The following KIF16B variants were observed in gnomAD, a reference collection of about 807,000 sequenced individuals.
The protein encoded by KIF16B is kinesin family member 16B.
In KIF16B, 98 loss-of-function variants were observed where a neutral mutation model predicts 156.3. That is an observed-to-expected ratio of 0.63 (90% CI 0.53 to 0.74). The LOEUF (loss-of-function observed/expected upper bound fraction) is 0.74. Ranked by LOEUF, KIF16B falls within the 30% of genes least tolerant of loss-of-function variation. The probability of loss-of-function intolerance (pLI) is 0.00; values close to 1 mark genes in which losing one functional copy is unlikely to be tolerated. For missense variants in KIF16B, 1,421 were observed against 1,606.5 expected (o/e 0.88, Z 1.97); for synonymous variants, 564 against 583.7 (o/e 0.97, Z 0.49).
Position 16,463,880 on chromosome 20 carries a change from AT to A in KIF16B, c.1302+30410del, listed in dbSNP as rs1223684493. The stretch of plus-strand genomic sequence containing the variant: ...AAAATATTTTTTAATGACAGATCAC[AT>A]TAGCTTATTGCATAAAAACATTTCA... On this transcript the variant is annotated intron_variant, in intron 12 of 25. Coordinates refer to ENST00000354981, the MANE Select transcript of KIF16B (RefSeq NM_024704.5). Among the ~76,000 whole-genome samples the A allele has an allele frequency of 2.6e-5, 4 of 152,198 alleles. No individual in the cohort carries two copies. The East Asian group carries it at 7.7e-4, about 29-fold the overall frequency.
At chr20:16,385,568 C>A (rs550675768) in intron 17 of KIF16B, among the ~76,000 whole-genome samples, 2 of 152,306 alleles carry the variant, frequency 1.3e-5, no homozygotes, top group African/African-American at 4.8e-5. Flanking sequence ...GGCCCCACCT[C>A]AAAGGGCTGT....
Position 16,336,033 on chromosome 20 carries a change from C to T in KIF16B, c.3622-18G>A. On this transcript the variant is annotated intron_variant, in intron 23 of 25. Transcript: ENST00000354981. ...ACAGTAATCTATTAACCAGGAAAACCAAAATGAATAAGCATTAAGAAGCAA... is the reference window on the plus strand; with the variant it reads ...ACAGTAATCTATTAACCAGGAAAACTAAAATGAATAAGCATTAAGAAGCAA... The T allele has an allele frequency of 6.9e-7, 1 of 1,450,798 alleles. No homozygotes were observed. The highest frequency in any genetic ancestry group is 9.5e-7 in the Non-Finnish European group (1 of 1,052,594). 89.9% of individuals were successfully genotyped at this position (1,450,798 alleles called of 1,614,324 possible).
At chr20:16,431,036 T>C (rs537194083) in intron 12 of KIF16B, among the ~76,000 whole-genome samples, 3 of 152,240 alleles carry the variant, frequency 2.0e-5, no homozygotes, top group South Asian at 4.1e-4. Context: ...ACCTTTCCTG[T>C]TTGGTCTAAA....
chr20:16,501,260 C>CACCAAGAATTGAATTCTTGGTTCAAT lies in KIF16B; in HGVS notation c.1176+3086_1176+3111dup, dbSNP rs149764997. Among the ~76,000 whole-genome samples the CACCAAGAATTGAATTCTTGGTTCAAT allele has an allele frequency of 4.2e-3, 415 of 99,018 alleles. 2 individuals are homozygous for CACCAAGAATTGAATTCTTGGTTCAAT. Among genetic ancestry groups the CACCAAGAATTGAATTCTTGGTTCAAT allele is most frequent in the African/African-American group, 5.5e-3 (115 of 20,838 alleles). The allele number at this position is 99,018 out of a possible 152,430, so 65.0% of individuals were successfully genotyped here. On this transcript the variant is annotated intron_variant, in intron 10 of 25. Coordinates refer to ENST00000354981, the MANE Select transcript of KIF16B (RefSeq NM_024704.5). ...ATTAACTGGCACAACTACTTTTATA[C>CACCAAGAATTGAATTCTTGGTTCAAT]ACCAAGAATTGAATTCTTGGTTCAA...
chr20:16,363,688 C>A (rs2064597218), intron 22 of KIF16B, among the ~76,000 whole-genome samples: 2 of 152,164 alleles, frequency 1.3e-5, no homozygotes, highest in African/African-American at 4.8e-5. Flanking sequence ...ATGGCTACTG[C>A]CCCTTCTGAA....
chr20:16,317,528 G>A (rs771552562), intron 24 of KIF16B, among the ~76,000 whole-genome samples: 13 of 152,346 alleles, frequency 8.5e-5, no homozygotes, highest in Non-Finnish European at 1.6e-4. Flanking sequence ...TTTGGAGAGA[G>A]TCTCATGTTG....
At chr20:16,522,317 A>G (rs186289927) in intron 3 of KIF16B, among the ~76,000 whole-genome samples, 1 of 152,252 alleles carries the variant, frequency 6.6e-6, no homozygotes, top group Non-Finnish European at 1.5e-5. Context: ...ATAAAGGGAG[A>G]GAAGAATATT....
chr20:16,392,183 A>G (rs2065383755), intron 17 of KIF16B, among the ~76,000 whole-genome samples: 1 of 152,210 alleles, frequency 6.6e-6, no homozygotes, highest in African/African-American at 2.4e-5. Context: ...CTCACAGAGA[A>G]GAGCCTACCA....
intron 9 of KIF16B, among the ~76,000 whole-genome samples, chr20:16,505,094 T>G (rs1327011007): frequency 6.6e-6 from 1 of 151,946 alleles, no homozygotes; most frequent in African/African-American, 2.4e-5. Context: ...ATCCCGTGGC[T>G]CCATAGTTAG....
intron 17 of KIF16B, among the ~76,000 whole-genome samples, chr20:16,389,417 C>G (rs1012840350): frequency 6.6e-6 from 1 of 152,182 alleles, no homozygotes; most frequent in East Asian, 1.9e-4. Flanking sequence ...CTGGAATGCT[C>G]GGTAGTATTC....
intron 12 of KIF16B, among the ~76,000 whole-genome samples, chr20:16,475,597 C>T (rs970844381): frequency 2.8e-4 from 42 of 152,122 alleles, no homozygotes; most frequent in Admixed American, 2.7e-3. Flanking sequence ...CTAGAGTGGA[C>T]GTTACCAAAT....
chr20:16,341,998 C>CGA (rs2064148179), intron 23 of KIF16B, among the ~76,000 whole-genome samples: 1 of 152,176 alleles, frequency 6.6e-6, no homozygotes, highest in African/African-American at 2.4e-5. Context: ...ACGGCCTCCT[C>CGA]AACCACACAC....
intron 12 of KIF16B, among the ~76,000 whole-genome samples, chr20:16,459,036 A>T (rs2067280557): frequency 6.6e-6 from 1 of 152,088 alleles, no homozygotes; most frequent in African/African-American, 2.4e-5. Context: ...TTGAACAAAC[A>T]CCAGTTCTCC....
At chr20:16,342,958 A>C (rs995194980) in intron 23 of KIF16B, among the ~76,000 whole-genome samples, 2 of 152,216 alleles carry the variant, frequency 1.3e-5, no homozygotes, top group African/African-American at 4.8e-5. Flanking sequence ...CAGAAAGGCA[A>C]AATTAAGAGA....
intron 1 of KIF16B, among the ~76,000 whole-genome samples, chr20:16,566,802 G>C (rs2071272145): frequency 6.6e-6 from 1 of 152,182 alleles, no homozygotes; most frequent in African/African-American, 2.4e-5. Context: ...TTGAGCATTT[G>C]AAATGTGCCT....
chr20:16,425,108 G>A (rs1276801787), intron 15 of KIF16B, among the ~76,000 whole-genome samples: 2 of 152,096 alleles, frequency 1.3e-5, no homozygotes, highest in African/African-American at 4.8e-5. Flanking sequence ...AACACACCTG[G>A]TTGCTAAATA....
intron 12 of KIF16B, among the ~76,000 whole-genome samples, chr20:16,472,555 A>T (rs1422816278): frequency 0.089 from 45 of 506 alleles, no homozygotes; most frequent in East Asian, 0.12. Context: ...TCTGAAATTA[A>T]AAAAAAAAAA....
intron 1 of KIF16B, among the ~76,000 whole-genome samples, chr20:16,568,819 C>CAAAAAAAAA (rs57421025): frequency 1.8e-5 from 1 of 55,482 alleles, no homozygotes; most frequent in Non-Finnish European, 2.9e-5. Context: ...GACCCTGTCT[C>CAAAAAAAAA]AAAAAAAAAA....
rs200128578 is a variant in KIF16B at position 16,409,948 on chromosome 20, CATATATATATATATATATATACATAT to C, written c.1613-3518_1613-3493del. The stretch of plus-strand genomic sequence containing the variant: ...ATCTACCTTCCTACCCACTTACCTA[CATATATATATATATATATATACATAT>C]ATATATATATATATATATGTAGGTA... On this transcript the variant is annotated intron_variant, in intron 15 of 25. Coordinates refer to ENST00000354981, the MANE Select transcript of KIF16B (RefSeq NM_024704.5). Among the ~76,000 whole-genome samples, 296 of 54,920 alleles carry C rather than the reference CATATATATATATATATATATACATAT, an allele frequency of 5.4e-3. 19 individuals are homozygous for C. The highest frequency in any genetic ancestry group is 0.026 in the African/African-American group (251 of 9,502). 36.0% of individuals were successfully genotyped at this position (54,920 alleles called of 152,430 possible).
Sources: gnomAD v4.1 joint callset for allele counts (sites outside exome capture counted in the v4.1 genomes callset) on GRCh38, gnomAD v4.1.1 for gene constraint, MANE v1.5 for transcripts, NCBI Gene and HGNC (gene_info 2026-07-23, HGNC 2026-07-21) for gene names.